ENTPD1: variants seen among roughly 807,000 people sequenced by gnomAD.
ENTPD1 encodes the protein ATP diphosphohydrolase.
A neutral mutation model predicts 57.0 loss-of-function variants in ENTPD1; 33 were observed. That is an observed-to-expected ratio of 0.58 (90% confidence interval 0.44 to 0.77). ENTPD1 has a LOEUF of 0.77. ENTPD1 is among the 30% of genes least tolerant of loss of function. ENTPD1 has a pLI of 0.00. For synonymous variants in ENTPD1, 202 were observed against 218.8 expected (o/e 0.92, Z 0.68); for missense variants, 501 against 603.4 (o/e 0.83, Z 1.78).
chr10:95,702,852 G>A, the ENTPD1 span, among the ~76,000 whole-genome samples: 16 of 152,180 alleles, frequency 1.1e-4, no homozygotes, highest in Admixed American at 3.3e-4. Flanking sequence ...GTGCGATCTC[G>A]GTTCACTGCA....
Position 95,818,620 on chromosome 10 carries a change from G to A in ENTPD1, c.17-4617G>A, listed in dbSNP as rs537488086. 9.8e-5 allele frequency among the ~76,000 whole-genome samples: 15 copies of A among 152,304 alleles called. No individual in the cohort carries two copies. The South Asian group carries it at 3.1e-3, about 32-fold the overall frequency. ...GGATGTGGATATCACTATAGAAGAA[G>A]GTGGGTCTAAGGGGCTTGGGATGAA... On this transcript the variant is annotated intron_variant, in intron 1 of 9. Coordinates refer to ENST00000371205, the MANE Select transcript of ENTPD1 (RefSeq NM_001776.6).
rs568008343 is a variant in ENTPD1 at position 95,718,026 on chromosome 10, G to A, written c.37+6033G>A. 7.9e-5 allele frequency among the ~76,000 whole-genome samples: 12 copies of A among 152,208 alleles called. No individual in the cohort carries two copies. In the South Asian group the frequency reaches 2.1e-3, roughly 26 times the overall value. ...TGCAGGGGCATATATGGGTGTGGGCGGTGAAAGTGGGGTTTCCTTTAGAAA... is the reference window on the plus strand; with the variant it reads ...TGCAGGGGCATATATGGGTGTGGGCAGTGAAAGTGGGGTTTCCTTTAGAAA... On this transcript the variant is annotated intron_variant, in intron 1 of 9. Transcript: ENST00000453258.
At chr10:95,796,235 C>G (rs1268647208) in intron 1 of ENTPD1, among the ~76,000 whole-genome samples, 1 of 152,098 alleles carries the variant, frequency 6.6e-6, no homozygotes, top group East Asian at 1.9e-4. Context: ...TCTTAAGGTG[C>G]TCTGTCTCAT....
At chr10:95,737,715 A>C (rs1188617125) in intron 1 of ENTPD1, among the ~76,000 whole-genome samples, 2 of 152,166 alleles carry the variant, frequency 1.3e-5, no homozygotes, top group African/African-American at 4.8e-5. Flanking sequence ...CCCAATGTTT[A>C]AATTATTTAC....
rs1566251445 is a variant in ENTPD1 at position 95,860,557 on chromosome 10, A to G, written c.1163A>G (p.Lys388Arg). ...GAAAAGGTGACTGAGATGATGAAAA[A>G]GTTCTGTGCTCAGCCTTGGGAGGAG... ...SQEKVTEMMKKFCAQPWEEIK... is the reference protein window; with the variant it reads ...SQEKVTEMMKRFCAQPWEEIK... The change falls in exon 8 of 10, where the codon AAG becomes AGG. Residue 388 changes from lysine (K) to arginine (R), a missense_variant. Physicochemically the swap from Lys to Arg is conservative, Grantham distance 26. Transcript: ENST00000371205. 5 of 1,613,688 alleles carry G rather than the reference A, an allele frequency of 3.1e-6. No individual in the cohort carries two copies. Among genetic ancestry groups the G allele is most frequent in the Non-Finnish European group, 4.2e-6 (5 of 1,179,750 alleles).
intron 1 of ENTPD1, among the ~76,000 whole-genome samples, chr10:95,800,211 G>C (rs755447853): frequency 5.3e-5 from 8 of 152,144 alleles, no homozygotes; most frequent in Non-Finnish European, 8.8e-5. Context: ...TACAAAGAGA[G>C]AAATTTTACA....
intron 1 of ENTPD1, among the ~76,000 whole-genome samples, chr10:95,739,561 C>T (rs1252988400): frequency 6.6e-6 from 1 of 152,220 alleles, no homozygotes; most frequent in Non-Finnish European, 1.5e-5. Context: ...AACTCAGTCA[C>T]ATATTTAGAC....
At chr10:95,758,019 A>G (rs1247868672) in intron 1 of ENTPD1, among the ~76,000 whole-genome samples, 1 of 144,544 alleles carries the variant, frequency 6.9e-6, no homozygotes, top group Non-Finnish European at 1.5e-5. Flanking sequence ...AAAAAAAAAA[A>G]AAAAAAAAAA....
intron 1 of ENTPD1, among the ~76,000 whole-genome samples, chr10:95,758,002 C>CAAAAAAAAAAAAA (rs57407553): frequency 3.0e-4 from 8 of 26,414 alleles, no homozygotes; most frequent in African/African-American, 3.8e-4. Context: ...GACACTGTCT[C>CAAAAAAAAAAAAA]AAAAAAAAAA....
At chr10:95,855,040 T>TA (rs2098452052) in intron 7 of ENTPD1, among the ~76,000 whole-genome samples, 1 of 152,174 alleles carries the variant, frequency 6.6e-6, no homozygotes, top group Admixed American at 6.5e-5. Flanking sequence ...AGTGGGGTGT[T>TA]AAAGTCTCCC....
the ENTPD1 span, among the ~76,000 whole-genome samples, chr10:95,700,272 C>T: frequency 6.7e-6 from 1 of 148,656 alleles, no homozygotes; most frequent in African/African-American, 2.5e-5. Context: ...ATCTATTGAA[C>T]AAAAAGATAA....
intron 1 of ENTPD1, among the ~76,000 whole-genome samples, chr10:95,761,432 A>G (rs1024377269): frequency 1.3e-5 from 2 of 152,108 alleles, no homozygotes; most frequent in Non-Finnish European, 2.9e-5. Context: ...CACAGACCAC[A>G]CTTTGACTGG....
intron 1 of ENTPD1, among the ~76,000 whole-genome samples, chr10:95,738,991 C>T (rs909633598): frequency 1.4e-5 from 2 of 146,212 alleles, no homozygotes; most frequent in African/African-American, 5.3e-5. Context: ...TTTCCCAGGG[C>T]ATATAAAAAT....
At chr10:95,814,108 C>T (rs181013584) in intron 1 of ENTPD1, among the ~76,000 whole-genome samples, 17 of 152,322 alleles carry the variant, frequency 1.1e-4, no homozygotes, top group East Asian at 5.8e-4. Flanking sequence ...CAGATTGTTA[C>T]GCCTTTTGGC....
chr10:95,713,739 A>C (rs1197972529), intron 1 of ENTPD1, among the ~76,000 whole-genome samples: 1 of 152,250 alleles, frequency 6.6e-6, no homozygotes, highest in African/African-American at 2.4e-5. Context: ...AAATGTCCAC[A>C]AAAAAGGTAG....
Position 95,847,527 on chromosome 10 carries a change from A to AC in ENTPD1, c.900dup (p.Cys301LeufsTer6). ...AGTGAACGTAAGTGACCTTTACAAG[A>AC]CCCCCTGCACCAAGAGATTTGAGAT... On this transcript the variant is annotated frameshift_variant, in exon 7 of 10. Coordinates refer to ENST00000371205, the MANE Select transcript of ENTPD1 (RefSeq NM_001776.6). LOFTEE classifies it high-confidence loss of function. 1.2e-6 allele frequency: 2 copies of AC among 1,614,050 alleles called. No individual in the cohort carries two copies. Among genetic ancestry groups the AC allele is most frequent in the Non-Finnish European group, 1.7e-6 (2 of 1,180,014 alleles).
At chr10:95,788,008 A>G (rs2098187432) in intron 1 of ENTPD1, among the ~76,000 whole-genome samples, 1 of 152,192 alleles carries the variant, frequency 6.6e-6, no homozygotes, top group Non-Finnish European at 1.5e-5. Context: ...AAAGTAGAAC[A>G]TGTGAAGAAT....
At chr10:95,720,223 G>A (rs1412543818) in intron 1 of ENTPD1, among the ~76,000 whole-genome samples, 1 of 152,112 alleles carries the variant, frequency 6.6e-6, no homozygotes, top group Non-Finnish European at 1.5e-5. Context: ...AACTTGAACA[G>A]AACAGGCATT....
chr10:95,735,893 G>A (rs922595939), intron 1 of ENTPD1, among the ~76,000 whole-genome samples: 8 of 151,952 alleles, frequency 5.3e-5, no homozygotes, highest in South Asian at 4.2e-4. Context: ...CACTGCCCCC[G>A]GCTGACTTTA....
Sources: gnomAD v4.1 joint callset for allele counts (sites outside exome capture counted in the v4.1 genomes callset) on GRCh38, gnomAD v4.1.1 for gene constraint, MANE v1.5 for transcripts, NCBI Gene and HGNC (gene_info 2026-07-23, HGNC 2026-07-21) for gene names.